Variants in CSMD1 observed in about 807,000 individuals in gnomAD.
The protein encoded by CSMD1 is CUB and sushi domain-containing protein 1.
Under a neutral mutation model 417.5 loss-of-function variants are expected in CSMD1, and 213 were observed. The ratio of observed to expected loss-of-function variants is 0.51; its 90% CI spans 0.46 to 0.57. The LOEUF is 0.57. Among genes scored for constraint, CSMD1 ranks in the 20% least tolerant of loss-of-function variants. The probability of loss-of-function intolerance (pLI) is 0.00; values close to 1 mark genes in which losing one functional copy is unlikely to be tolerated. For synonymous variants in CSMD1, 2,862 were observed against 1,736.8 expected, an observed-to-expected ratio of 1.65 and a Z score of -16.11; for missense variants, 6,923 against 4,529.7, an observed-to-expected ratio of 1.53 and a Z score of -15.17.
chr8:3,873,675 A>C (rs1041747329), intron 5 of CSMD1, among the ~76,000 whole-genome samples: 1 of 152,210 alleles, frequency 6.6e-6, no homozygotes, highest in African/African-American at 2.4e-5. Flanking sequence ...TCTATATGAC[A>C]TGTATCCCTG....
chr8:3,867,128 T>C (rs1384396709), intron 5 of CSMD1, among the ~76,000 whole-genome samples: 2 of 152,214 alleles, frequency 1.3e-5, no homozygotes, highest in African/African-American at 4.8e-5. Flanking sequence ...TCTACTATAC[T>C]GTTTTTCCAC....
At chr8:3,699,077 G>A (rs566004150) in intron 7 of CSMD1, among the ~76,000 whole-genome samples, 1 of 152,262 alleles carries the variant, frequency 6.6e-6, no homozygotes, top group East Asian at 1.9e-4. Context: ...GCATGCATTC[G>A]CTGAAATTCT....
chr8:3,762,471 G>A (rs1283009336), intron 5 of CSMD1, among the ~76,000 whole-genome samples: 1 of 152,222 alleles, frequency 6.6e-6, no homozygotes, highest in African/African-American at 2.4e-5. Flanking sequence ...CTTGGTATAA[G>A]GCACATGGCT....
At chr8:4,765,099 A>T (rs993228633) in intron 1 of CSMD1, among the ~76,000 whole-genome samples, 1 of 152,132 alleles carries the variant, frequency 6.6e-6, no homozygotes, top group Admixed American at 6.5e-5. Context: ...GCATGGGCTC[A>T]TTCACTGGGT....
At chr8:4,294,145 C>A (rs539688333) in intron 3 of CSMD1, among the ~76,000 whole-genome samples, 1 of 152,118 alleles carries the variant, frequency 6.6e-6, no homozygotes, top group Non-Finnish European at 1.5e-5. Flanking sequence ...TCTGATTAAC[C>A]CCGACCAGCA....
chr8:3,042,959 G>A (rs1278183771), intron 50 of CSMD1, among the ~76,000 whole-genome samples: 2 of 151,314 alleles, frequency 1.3e-5, no homozygotes, highest in Non-Finnish European at 2.9e-5. Context: ...TACATATAGT[G>A]ATATATACAG....
intron 52 of CSMD1, among the ~76,000 whole-genome samples, chr8:3,009,197 G>A (rs1003546731): frequency 1.3e-5 from 2 of 152,196 alleles, no homozygotes; most frequent in Non-Finnish European, 2.9e-5. Context: ...CCCTAGAGGG[G>A]CCTACTTGAA....
chr8:3,835,830 T>C (rs1802660430), intron 5 of CSMD1, among the ~76,000 whole-genome samples: 1 of 152,118 alleles, frequency 6.6e-6, no homozygotes, highest in South Asian at 2.1e-4. Flanking sequence ...TAGGAGTTCT[T>C]CTGTTCCTTA....
chr8:4,371,967 T>C (rs1044852208), intron 3 of CSMD1, among the ~76,000 whole-genome samples: 3 of 152,306 alleles, frequency 2.0e-5, no homozygotes, highest in South Asian at 4.1e-4. Context: ...ATAAACTCAT[T>C]GCCGTGATGG....
intron 23 of CSMD1, among the ~76,000 whole-genome samples, chr8:3,342,663 C>A (rs1262230933): frequency 6.6e-6 from 1 of 152,138 alleles, no homozygotes; most frequent in Non-Finnish European, 1.5e-5. Context: ...ACATATTCCA[C>A]ATTGATTTGT....
intron 12 of CSMD1, among the ~76,000 whole-genome samples, chr8:3,447,839 G>C (rs928435740): frequency 1.3e-5 from 2 of 152,076 alleles, no homozygotes; most frequent in African/African-American, 2.4e-5. Flanking sequence ...GTTTGAGATG[G>C]AGGCCATCGG....
At chr8:3,316,810 G>A (rs772337456) in intron 23 of CSMD1, among the ~76,000 whole-genome samples, 13 of 152,098 alleles carry the variant, frequency 8.5e-5, no homozygotes, top group Non-Finnish European at 1.6e-4. Flanking sequence ...GGAAGGCAAC[G>A]GAGAAGACTG....
rs1435885631 is a variant in CSMD1, at chr8:3,592,328, A to AAT, written c.1098-6070_1098-6069dup. On this transcript the variant is annotated intron_variant, in intron 8 of 69. Transcript: ENST00000635120. ...CTTCAGTACTCATAAATATAAAAGG[A>AAT]ATATATATATATTATTAGGTATCGA... Among the ~76,000 whole-genome samples the AAT allele has an allele frequency of 4.4e-4, 67 of 152,106 alleles. 1 individual carries two copies. Among genetic ancestry groups the AAT allele is most frequent in the Admixed American group, 1.2e-3 (19 of 15,266 alleles).
intron 3 of CSMD1, among the ~76,000 whole-genome samples, chr8:4,210,490 G>T (rs1307141165): frequency 6.6e-6 from 1 of 152,008 alleles, no homozygotes; most frequent in East Asian, 1.9e-4. Flanking sequence ...CAATAATTCA[G>T]GAAAATTTTC....
At chr8:4,005,518 C>T (rs1349608702) in intron 4 of CSMD1, among the ~76,000 whole-genome samples, 1 of 152,156 alleles carries the variant, frequency 6.6e-6, no homozygotes, top group Admixed American at 6.5e-5. Context: ...GATACACTTG[C>T]CTTTCTCAAC....
Position 3,819,467 on chromosome 8 carries a change from A to C in CSMD1, c.819-65425T>G, listed in dbSNP as rs573494018. On this transcript the variant is annotated intron_variant, in intron 5 of 69. Transcript: ENST00000635120. ...TAGAAGTGCTTCCAACTTCACCTTC[A>C]ATCGTCGGTGGCACTGCTCTTTCTA... Among the ~76,000 whole-genome samples the C allele has an allele frequency of 2.6e-5, 4 of 152,100 alleles. No individual in the cohort carries two copies. In the East Asian group the frequency reaches 7.7e-4, roughly 29 times the overall value.
chr8:4,240,852 C>T (rs1802357282), intron 3 of CSMD1, among the ~76,000 whole-genome samples: 2 of 152,106 alleles, frequency 1.3e-5, no homozygotes, highest in Non-Finnish European at 2.9e-5. Context: ...CATGGGGTAG[C>T]ATTTTTTAAA....
intron 3 of CSMD1, among the ~76,000 whole-genome samples, chr8:4,279,843 C>T (rs1316801396): frequency 6.6e-6 from 1 of 152,132 alleles, no homozygotes; most frequent in Admixed American, 6.5e-5. Context: ...TTGCCTGCAG[C>T]AGCTCACTGT....
chr8:3,870,517 T>G (rs1805411406), intron 5 of CSMD1, among the ~76,000 whole-genome samples: 1 of 152,150 alleles, frequency 6.6e-6, no homozygotes, highest in Non-Finnish European at 1.5e-5. Flanking sequence ...AATTTACCGT[T>G]TGAGAGCTAT....
Sources: gnomAD v4.1 joint callset for allele counts (sites outside exome capture counted in the v4.1 genomes callset) on GRCh38, gnomAD v4.1.1 for gene constraint, MANE v1.5 for transcripts, NCBI Gene and HGNC (gene_info 2026-07-23, HGNC 2026-07-21) for gene names.